SPIRE2: variants seen among roughly 807,000 people sequenced by gnomAD.
The protein encoded by SPIRE2 is spire type actin nucleation factor 2.
SPIRE2 carries 76 observed loss-of-function variants against 80.7 expected under a neutral mutation model. The observed-to-expected ratio is 0.94, with a 90% CI of 0.78 to 1.14. The LOEUF (loss-of-function observed/expected upper bound fraction) is 1.14. SPIRE2 is among the 50% of genes most tolerant of loss of function. SPIRE2 has a pLI of 0.00. For synonymous variants in SPIRE2, 535 were observed against 432.6 expected (o/e 1.24, Z -2.94); for missense variants, 1,196 against 1,015.3 (o/e 1.18, Z -2.42).
rs141642500 is a variant in SPIRE2, at chr16:89,850,607, G to A, written c.592G>A (p.Val198Met). The A allele has an allele frequency of 4.0e-4, 612 of 1,518,768 alleles. 3 individuals carry two copies. The African/African-American group carries it at 7.2e-3, about 18-fold the overall frequency. The allele number at this position is 1,518,768 out of a possible 1,614,324, so 94.1% of individuals were successfully genotyped here. The change falls in exon 3 of 15, where the codon GTG becomes ATG. Residue 198 changes from valine (V) to methionine (M), a missense_variant. Coordinates refer to ENST00000378247, the MANE Select transcript of SPIRE2 (RefSeq NM_032451.2). ...CCAGGCCGTGTGCCGCGCGCTCTTC[G>A]TGGAGACGCTGGAGCTGCGGGCCTT... is the stretch of plus-strand genomic sequence containing the variant. The part of the protein sequence containing the change: ...HYQAVCRALF[V>M]ETLELRAFLA...
intron 1 of SPIRE2, among the ~76,000 whole-genome samples, chr16:89,842,871 A>G (rs1164101358): frequency 6.6e-6 from 1 of 152,216 alleles, no homozygotes; most frequent in Non-Finnish European, 1.5e-5. Flanking sequence ...AACTCCACTG[A>G]TGCGGGGGTG....
At chr16:89,831,665 G>A (rs1257274884) in intron 1 of SPIRE2, among the ~76,000 whole-genome samples, 1 of 151,178 alleles carries the variant, frequency 6.6e-6, no homozygotes, top group Non-Finnish European at 1.5e-5. Context: ...CCAAAGTGCT[G>A]GGATTACAGG....
At chr16:89,868,299 C>T (rs1840402675) in intron 13 of SPIRE2, 83 bp downstream of exon 13, 2 of 1,365,900 alleles carry the variant, frequency 1.5e-6, no homozygotes, top group Middle Eastern at 1.8e-4. Context: ...TTGGATGATG[C>T]TGCCTCACCA....
intron 2 of SPIRE2, chr16:89,845,735 C>G: frequency 1.6e-6 from 1 of 623,830 alleles, no homozygotes; most frequent in Non-Finnish European, 2.9e-6. Flanking sequence ...GCCTGGTGAC[C>G]AGTGCCCCGA....
At chr16:89,857,292 C>T (rs755240690) in intron 7 of SPIRE2, among the ~76,000 whole-genome samples, 28 of 151,822 alleles carry the variant, frequency 1.8e-4, no homozygotes, top group Non-Finnish European at 3.5e-4. Flanking sequence ...TGCACCACCA[C>T]GCCCGGCTAA....
chr16:89,867,645 C>G (rs1389067095), intron 12 of SPIRE2, among the ~76,000 whole-genome samples: 2 of 150,226 alleles, frequency 1.3e-5, no homozygotes, highest in Non-Finnish European at 2.9e-5. Context: ...AGTGCAGTGG[C>G]GTGATCTCAG....
intron 7 of SPIRE2, among the ~76,000 whole-genome samples, chr16:89,856,514 G>A (rs1323110488): frequency 2.0e-5 from 3 of 151,800 alleles, no homozygotes; most frequent in East Asian, 1.9e-4. Flanking sequence ...GAGCGACCTC[G>A]GCTCACTGCA....
At chr16:89,844,946 T>C (rs1458578245) in intron 1 of SPIRE2, among the ~76,000 whole-genome samples, 1 of 152,192 alleles carries the variant, frequency 6.6e-6, no homozygotes, top group Admixed American at 6.6e-5. Flanking sequence ...GGCAGCCTCC[T>C]GCAGTGCCCG....
chr16:89,850,230 T>C (rs1389127236), intron 2 of SPIRE2, 74 bp from the exon 3 acceptor site: 1 of 1,321,678 alleles, frequency 7.6e-7, no homozygotes. Context: ...CTGGGCCCTC[T>C]GCACCCACCA....
chr16:89,835,827 C>T (rs978656609), intron 1 of SPIRE2, among the ~76,000 whole-genome samples: 1 of 152,086 alleles, frequency 6.6e-6, no homozygotes, highest in Non-Finnish European at 1.5e-5. Flanking sequence ...TTCATTCCAG[C>T]GCGTGTGTCT....
In SPIRE2 at chr16:89,863,071, T is replaced by G; in HGVS notation, c.1576-405T>G. The G allele has an allele frequency of 5.0e-6, 1 of 200,216 alleles. No homozygotes were observed. Among genetic ancestry groups the G allele is most frequent in the East Asian group, 1.3e-4 (1 of 7,596 alleles). 12.4% of individuals were successfully genotyped at this position (200,216 alleles called of 1,614,324 possible). A position where few individuals can be genotyped will look rare whatever the true frequency, so the allele number is the denominator to read the frequency against. On this transcript the variant is annotated intron_variant, in intron 10 of 14. Transcript: ENST00000378247. The surrounding 1 kb of genome is among the most constrained non-coding windows in gnomAD (Gnocchi z 4.3). ...GCAGATGGGCAGATGCAAGCTGAGG[T>G]GGCCTGTTGGAGGGTCCTGGACCTT... is the stretch of plus-strand genomic sequence containing the variant.
intron 1 of SPIRE2, among the ~76,000 whole-genome samples, chr16:89,840,027 C>A (rs926919018): frequency 1.3e-5 from 2 of 152,190 alleles, no homozygotes; most frequent in Non-Finnish European, 2.9e-5. Context: ...AGACACCCAG[C>A]GCCAGTAGCC....
intron 7 of SPIRE2, among the ~76,000 whole-genome samples, chr16:89,858,106 C>G (rs1001736912): frequency 1.3e-5 from 2 of 150,242 alleles, no homozygotes; most frequent in Non-Finnish European, 3.0e-5. Flanking sequence ...AGGATGGTCT[C>G]GATCTCCTGA....
chr16:89,866,215 G>T (rs1035726733), intron 12 of SPIRE2, among the ~76,000 whole-genome samples: 3 of 152,080 alleles, frequency 2.0e-5, no homozygotes, highest in Non-Finnish European at 4.4e-5. Flanking sequence ...GCTTGGAAAA[G>T]CCTGGAGGAT....
At chr16:89,832,590 A>T (rs2041396493) in intron 1 of SPIRE2, among the ~76,000 whole-genome samples, 1 of 152,054 alleles carries the variant, frequency 6.6e-6, no homozygotes, top group South Asian at 2.1e-4. Context: ...GCTGAGGGGC[A>T]TCACGGCCAG....
intron 1 of SPIRE2, among the ~76,000 whole-genome samples, chr16:89,840,532 G>A (rs966773571): frequency 1.3e-5 from 2 of 150,974 alleles, no homozygotes; most frequent in African/African-American, 2.4e-5. Context: ...ACAGGCATGA[G>A]CCACCATGTC....
intron 1 of SPIRE2, among the ~76,000 whole-genome samples, chr16:89,841,443 G>C (rs961904213): frequency 2.0e-5 from 3 of 152,078 alleles, no homozygotes; most frequent in Non-Finnish European, 4.4e-5. Context: ...GGCCACGTTG[G>C]TGACGTGGTT....
intron 2 of SPIRE2, 25 bp from the exon 3 acceptor site, chr16:89,850,279 C>A: frequency 6.3e-7 from 1 of 1,594,054 alleles, no homozygotes; most frequent in African/African-American, 1.3e-5. Context: ...CAGTACCGCC[C>A]AGTGACCGCG....
At chr16:89,843,698 G>GTTTTTTTTT (rs568062812) in intron 1 of SPIRE2, among the ~76,000 whole-genome samples, 16 of 18,208 alleles carry the variant, frequency 8.8e-4, no homozygotes, top group East Asian at 0.014. Context: ...TTTGTTTTTT[G>GTTTTTTTTT]TTTTTTTTTT....
Sources: allele counts gnomAD v4.1 joint callset (sites outside exome capture counted in the v4.1 genomes callset), GRCh38; gene constraint gnomAD v4.1.1; non-coding constraint Gnocchi (gnomAD v3.1); transcripts MANE v1.5; gene names NCBI Gene and HGNC (gene_info 2026-07-23, HGNC 2026-07-21).